The following CADM2 variants were observed in gnomAD, a reference collection of about 807,000 sequenced individuals.
CADM2 encodes cell adhesion molecule 2.
A neutral mutation model predicts 49.8 loss-of-function variants in CADM2; 12 were observed. That is an observed-to-expected ratio of 0.24 (90% CI 0.15 to 0.39). CADM2 has a LOEUF of 0.39. CADM2 is among the 10% of genes least tolerant of loss of function. CADM2 has a pLI of 1.00. For synonymous variants in CADM2, 214 were observed against 175.4 expected, an observed-to-expected ratio of 1.22 and a Z score of -1.74; for missense variants, 378 against 492.3, an observed-to-expected ratio of 0.77 and a Z score of 2.20.
rs546980830 is a variant in CADM2, at chr3:85,912,627, G to C, written c.700+84G>C. On this transcript the variant is annotated intron_variant, in intron 6 of 9. Coordinates refer to ENST00000383699, the MANE Select transcript of CADM2 (RefSeq NM_001167675.2). ...TAAAATCATTTCAAAACTACCTGAA[G>C]TTATAGCAAAGGTGCAGTAAAATCC... is the stretch of plus-strand genomic sequence containing the variant. 5 of 1,375,892 alleles carry C rather than the reference G, an allele frequency of 3.6e-6. No individual in the cohort carries two copies. The South Asian group carries it at 5.4e-5, about 15-fold the overall frequency. The allele number at this position is 1,375,892 out of a possible 1,614,324, so 85.2% of individuals were successfully genotyped here.
rs1348794160 is a variant in CADM2, at chr3:85,886,643, A to G, written c.529+316A>G. Among the ~76,000 whole-genome samples the G allele has an allele frequency of 3.3e-5, 5 of 152,304 alleles. No individual in the cohort carries two copies. In the East Asian group the frequency reaches 7.7e-4, roughly 23 times the overall value. On this transcript the variant is annotated intron_variant, in intron 5 of 9. Transcript: ENST00000383699. ...TTCATACTTCACAATAGTACATATT[A>G]GATACTATTATTTCAGACCTCATAT...
intron 1 of CADM2, among the ~76,000 whole-genome samples, chr3:85,142,175 T>C (rs1559685562): frequency 6.6e-6 from 1 of 152,188 alleles, no homozygotes; most frequent in Non-Finnish European, 1.5e-5. Context: ...CATAAAACAA[T>C]TCTATTTTTG....
chr3:86,013,037 C>T, intron 8 of CADM2: 1 of 1,097,186 alleles, frequency 9.1e-7, no homozygotes. Flanking sequence ...AACATGAGAC[C>T]TCTATGATCT....
chr3:85,534,177 A>T (rs1446107020), intron 1 of CADM2, among the ~76,000 whole-genome samples: 1 of 152,108 alleles, frequency 6.6e-6, no homozygotes, highest in Non-Finnish European at 1.5e-5. Flanking sequence ...GCGATGTCTG[A>T]TATCTTTACA....
chr3:85,572,908 C>A (rs1223971489), intron 1 of CADM2, among the ~76,000 whole-genome samples: 2 of 152,136 alleles, frequency 1.3e-5, no homozygotes, highest in Non-Finnish European at 2.9e-5. Context: ...CACAGACACA[C>A]CCCAAAGTAA....
intron 1 of CADM2, among the ~76,000 whole-genome samples, chr3:85,590,610 A>T (rs577898087): frequency 6.6e-6 from 1 of 151,988 alleles, no homozygotes; most frequent in Non-Finnish European, 1.5e-5. Flanking sequence ...AATGTTTTTG[A>T]ACTGTTATAG....
intron 3 of CADM2, 29 bp downstream of exon 3, chr3:85,802,225 A>C: frequency 6.3e-7 from 1 of 1,577,340 alleles, no homozygotes; most frequent in Non-Finnish European, 8.6e-7. Flanking sequence ...AAATGTTTTA[A>C]TCGTATTCTA....
chr3:85,352,247 G>A (rs951861300), intron 1 of CADM2, among the ~76,000 whole-genome samples: 6 of 152,018 alleles, frequency 3.9e-5, no homozygotes, highest in African/African-American at 7.2e-5. Context: ...TACCGATTGT[G>A]TTGTCATCTT....
intron 6 of CADM2, among the ~76,000 whole-genome samples, chr3:85,934,717 T>A (rs185056629): frequency 2.8e-4 from 43 of 152,208 alleles, no homozygotes; most frequent in Admixed American, 6.6e-4. Flanking sequence ...TTAGATAAGG[T>A]AACTCACCTG....
intron 1 of CADM2, among the ~76,000 whole-genome samples, chr3:85,368,085 A>G (rs769183613): frequency 1.3e-5 from 2 of 152,114 alleles, no homozygotes; most frequent in Non-Finnish European, 2.9e-5. Context: ...ATGGCCCCTT[A>G]GCAAAGATAT....
chr3:85,801,013 A>G (rs2071994431), intron 2 of CADM2: 1 of 152,236 alleles, frequency 6.6e-6, no homozygotes, highest in Non-Finnish European at 1.5e-5. Context: ...GTTCTTGCAT[A>G]TGTAAATTAT....
chr3:85,656,172 T>C (rs1404865416), intron 1 of CADM2, among the ~76,000 whole-genome samples: 1 of 152,124 alleles, frequency 6.6e-6, no homozygotes, highest in Non-Finnish European at 1.5e-5. Context: ...ATTCTTGTTT[T>C]TTAGTTTAAT....
At chr3:85,011,717 T>C (rs1379208421) in intron 1 of CADM2, among the ~76,000 whole-genome samples, 1 of 151,902 alleles carries the variant, frequency 6.6e-6, no homozygotes, top group Non-Finnish European at 1.5e-5. Flanking sequence ...ACCCCACCTC[T>C]ACAATTTTTT....
At chr3:85,413,138 C>CAAATA (rs1326081511) in intron 1 of CADM2, among the ~76,000 whole-genome samples, 2 of 17,108 alleles carry the variant, frequency 1.2e-4, no homozygotes, top group South Asian at 2.8e-3. Context: ...GACTCCGTCT[C>CAAATA]AAAAAAAAAA....
At chr3:85,536,792 A>G (rs1387422745) in intron 1 of CADM2, among the ~76,000 whole-genome samples, 1 of 151,960 alleles carries the variant, frequency 6.6e-6, no homozygotes, top group Non-Finnish European at 1.5e-5. Flanking sequence ...GAATATTATT[A>G]ATGACTTTAG....
chr3:85,681,323 T>C (rs751062336), intron 1 of CADM2, among the ~76,000 whole-genome samples: 2 of 152,184 alleles, frequency 1.3e-5, no homozygotes, highest in Non-Finnish European at 2.9e-5. Flanking sequence ...CATTCAGCAT[T>C]AAATTAATAT....
At chr3:85,068,272 T>G (rs2107465047) in intron 1 of CADM2, among the ~76,000 whole-genome samples, 1 of 152,232 alleles carries the variant, frequency 6.6e-6, no homozygotes, top group African/African-American at 2.4e-5. Context: ...GTTAGTTGAT[T>G]TATCTCAACA....
At chr3:85,092,731 C>G (rs977728763) in intron 1 of CADM2, among the ~76,000 whole-genome samples, 2 of 152,064 alleles carry the variant, frequency 1.3e-5, no homozygotes, top group African/African-American at 4.8e-5. Flanking sequence ...AATTCCAGAT[C>G]TTTTCTCTTC....
chr3:85,893,408 G>C (rs922779176), intron 5 of CADM2, among the ~76,000 whole-genome samples: 1 of 152,108 alleles, frequency 6.6e-6, no homozygotes, highest in East Asian at 1.9e-4. Flanking sequence ...AGAAAACCTA[G>C]GCAGTACCAT....
Sources: allele counts gnomAD v4.1 joint callset (sites outside exome capture counted in the v4.1 genomes callset), GRCh38; gene constraint gnomAD v4.1.1; transcripts MANE v1.5; gene names NCBI Gene and HGNC (gene_info 2026-07-23, HGNC 2026-07-21).